RAB3IP: variants seen among roughly 807,000 people sequenced by gnomAD.
The protein encoded by RAB3IP is rab-3A-interacting protein.
A neutral mutation model predicts 59.1 loss-of-function variants in RAB3IP; 36 were observed. That is an observed-to-expected ratio of 0.61 (90% CI 0.47 to 0.80). RAB3IP has a LOEUF of 0.80. Among genes scored for constraint, RAB3IP ranks in the 30% least tolerant of loss-of-function variants. The probability of loss-of-function intolerance (pLI) is 0.00; values close to 1 mark genes in which losing one functional copy is unlikely to be tolerated. For missense variants in RAB3IP, 511 were observed against 536.0 expected, an observed-to-expected ratio of 0.95 and a Z score of 0.46; for synonymous variants, 207 against 191.2, an observed-to-expected ratio of 1.08 and a Z score of -0.68.
intron 8 of RAB3IP, among the ~76,000 whole-genome samples, chr12:69,809,265 A>G (rs1271128647): frequency 6.6e-6 from 1 of 152,106 alleles, no homozygotes; most frequent in African/African-American, 2.4e-5. Flanking sequence ...CTGCCGAGAG[A>G]TCAGCTGTTA....
chr12:69,765,418 C>T (rs968885448), intron 3 of RAB3IP, among the ~76,000 whole-genome samples: 5 of 152,000 alleles, frequency 3.3e-5, no homozygotes, highest in Non-Finnish European at 7.4e-5. Context: ...GTTTTTAATT[C>T]TATTTATGTT....
chr12:69,792,093 G>C (rs1876718956), intron 4 of RAB3IP, among the ~76,000 whole-genome samples: 1 of 152,166 alleles, frequency 6.6e-6, no homozygotes, highest in South Asian at 2.1e-4. Flanking sequence ...CTTATATGTG[G>C]AATCTAAAAT....
chr12:69,791,668 A>T (rs534043974), intron 4 of RAB3IP, among the ~76,000 whole-genome samples: 54 of 152,286 alleles, frequency 3.5e-4, no homozygotes, highest in African/African-American at 1.3e-3. Flanking sequence ...AAAGATAGTA[A>T]ATGTTGGCAA....
At chr12:69,742,749 C>G (rs144097864) in intron 1 of RAB3IP, among the ~76,000 whole-genome samples, 6 of 152,296 alleles carry the variant, frequency 3.9e-5, no homozygotes, top group Non-Finnish European at 7.4e-5. Flanking sequence ...ATTTATACAA[C>G]TGGGAGCATT....
intron 3 of RAB3IP, among the ~76,000 whole-genome samples, chr12:69,759,056 G>A (rs1870745235): frequency 6.6e-6 from 1 of 150,484 alleles, no homozygotes; most frequent in African/African-American, 2.5e-5. Flanking sequence ...AGGGTCATAG[G>A]ACAATAGTGG....
chr12:69,781,597 C>A (rs1331871464), intron 3 of RAB3IP, among the ~76,000 whole-genome samples: 1 of 152,194 alleles, frequency 6.6e-6, no homozygotes, highest in Non-Finnish European at 1.5e-5. Context: ...TTACCTTTTC[C>A]AGATTGTCAT....
At chr12:69,738,643 G>A (rs935698344), upstream of RAB3IP, 5 of 151,834 alleles carry the variant, frequency 3.3e-5, no homozygotes, top group East Asian at 5.8e-4. Flanking sequence ...GCTCCGGCTC[G>A]CGCTGGTTCC....
At position 69,756,517 on chromosome 12, in the gene RAB3IP, G is replaced by A. The variant is rs76376306; in HGVS notation, c.364G>A (p.Ala122Thr). 3,151 of 1,614,114 alleles carry A rather than the reference G, an allele frequency of 2.0e-3. 41 individuals are homozygous for A. In the African/African-American group the frequency reaches 0.03, roughly 15 times the overall value. ...YNAEREFLQG[A>T]TITEACDGSD... The stretch of plus-strand genomic sequence containing the variant: ...TGCAGAGAGAGAGTTTTTACAGGGT[G>A]CTACTATAACAGAGGCTTGCGATGG... Residue 122 changes from alanine to threonine, a missense_variant, in exon 3 of 11, where the codon GCT (alanine) becomes ACT (threonine). Coordinates refer to ENST00000247833, the MANE Select transcript of RAB3IP (RefSeq NM_022456.5).
intron 8 of RAB3IP, among the ~76,000 whole-genome samples, chr12:69,804,203 A>T (rs920276736): frequency 3.9e-5 from 6 of 152,208 alleles, no homozygotes; most frequent in Non-Finnish European, 8.8e-5. Flanking sequence ...AACTGGTGTG[A>T]GATGGTATCT....
chr12:69,783,950 AC>A (rs1190826469), intron 3 of RAB3IP, among the ~76,000 whole-genome samples: 1 of 152,176 alleles, frequency 6.6e-6, no homozygotes, highest in Non-Finnish European at 1.5e-5. Context: ...AAAAGACTAT[AC>A]TGCCACCACA....
At chr12:69,807,861 C>A (rs1159561899) in intron 8 of RAB3IP, among the ~76,000 whole-genome samples, 2 of 147,172 alleles carry the variant, frequency 1.4e-5, no homozygotes, top group African/African-American at 5.1e-5. Context: ...TCCTCACCTC[C>A]CAGACGGGGC....
intron 4 of RAB3IP, among the ~76,000 whole-genome samples, chr12:69,791,271 T>G (rs140246432): frequency 3.8e-4 from 58 of 152,298 alleles, no homozygotes; most frequent in African/African-American, 1.4e-3. Flanking sequence ...GACATTGGTC[T>G]GGGCAGTGAT....
At chr12:69,791,072 T>G (rs1415704179) in intron 4 of RAB3IP, among the ~76,000 whole-genome samples, 2 of 152,160 alleles carry the variant, frequency 1.3e-5, no homozygotes, top group African/African-American at 2.4e-5. Context: ...ACAAAAATGC[T>G]AAGGACACCT....
chr12:69,744,929 G>A (rs929521883), intron 1 of RAB3IP, among the ~76,000 whole-genome samples: 22 of 152,044 alleles, frequency 1.4e-4, no homozygotes, highest in South Asian at 4.1e-4. Flanking sequence ...GAAAGCTAAT[G>A]AAAAAATGAT....
At chr12:69,754,756 TA>T (rs898468933) in intron 1 of RAB3IP, among the ~76,000 whole-genome samples, 11 of 152,210 alleles carry the variant, frequency 7.2e-5, no homozygotes, top group Non-Finnish European at 1.0e-4. Context: ...TGTTCTCTGT[TA>T]AAAAAATTGT....
intron 1 of RAB3IP, among the ~76,000 whole-genome samples, chr12:69,744,505 T>C (rs2136099200): frequency 6.6e-6 from 1 of 152,038 alleles, no homozygotes; most frequent in African/African-American, 2.4e-5. Context: ...AGACAGTTAC[T>C]TGAGGTCAGG....
In RAB3IP at chr12:69,750,896, A is replaced by G. The variant is rs142699214; in HGVS notation, c.-25-4488A>G. Among the ~76,000 whole-genome samples, 133 of 152,262 alleles carry G rather than the reference A, an allele frequency of 8.7e-4. 1 individual carries two copies. The highest frequency in any genetic ancestry group is 3.0e-3 in the African/African-American group (126 of 41,546). The stretch of plus-strand genomic sequence containing the variant: ...TGATTAACTATAAAGTTCCTCAAAC[A>G]ACCTTTTACCTTATGGTTTTAATAG... On this transcript the variant is annotated intron_variant, in intron 1 of 10. Coordinates refer to ENST00000247833, the MANE Select transcript of RAB3IP (RefSeq NM_022456.5).
chr12:69,748,065 G>A (rs1868619226), intron 1 of RAB3IP, among the ~76,000 whole-genome samples: 1 of 121,468 alleles, frequency 8.2e-6, no homozygotes, highest in Non-Finnish European at 1.8e-5. Flanking sequence ...AAAAATCACA[G>A]CTTTAGTTTT....
intron 8 of RAB3IP, among the ~76,000 whole-genome samples, chr12:69,808,538 A>C (rs1055170575): frequency 4.6e-5 from 7 of 152,186 alleles, no homozygotes; most frequent in Non-Finnish European, 7.3e-5. Context: ...TTGGGAGTCT[A>C]AGTCTCTTTG....
Sources: gnomAD v4.1 joint callset for allele counts (sites outside exome capture counted in the v4.1 genomes callset) on GRCh38, gnomAD v4.1.1 for gene constraint, MANE v1.5 for transcripts, NCBI Gene and HGNC (gene_info 2026-07-23, HGNC 2026-07-21) for gene names.